The following PDZRN3 variants were observed in gnomAD, a reference collection of about 807,000 sequenced individuals.
PDZRN3 encodes the protein E3 ubiquitin-protein ligase PDZRN3.
In PDZRN3, 38 loss-of-function variants were observed where a neutral mutation model predicts 85.7. The observed-to-expected ratio is 0.44, with a 90% CI of 0.34 to 0.58. PDZRN3 has a LOEUF of 0.58. PDZRN3 is among the 20% of genes least tolerant of loss of function. The pLI, the probability that PDZRN3 is intolerant of heterozygous loss-of-function variation, is 0.01. For missense variants in PDZRN3, 1,629 were observed against 1,506.4 expected (o/e 1.08, Z -1.35); for synonymous variants, 759 against 638.0 (o/e 1.19, Z -2.86).
chr3:73,592,742 A>G (rs981156062), intron 3 of PDZRN3, among the ~76,000 whole-genome samples: 4 of 151,964 alleles, frequency 2.6e-5, no homozygotes, highest in Non-Finnish European at 5.9e-5. Context: ...GCAGCTACCC[A>G]CCCTGGAGTA....
intron 3 of PDZRN3, 62 bp from the exon 4 acceptor site, chr3:73,404,457 A>G: frequency 6.6e-7 from 1 of 1,522,500 alleles, no homozygotes; most frequent in Non-Finnish European, 8.9e-7. Flanking sequence ...AAGGACAAAT[A>G]CATGAATTGC....
At chr3:73,471,056 C>T (rs1703329196) in intron 3 of PDZRN3, among the ~76,000 whole-genome samples, 1 of 152,112 alleles carries the variant, frequency 6.6e-6, no homozygotes, top group South Asian at 2.1e-4. Flanking sequence ...CAGAATGTGA[C>T]CTTATTTGGA....
intron 3 of PDZRN3, among the ~76,000 whole-genome samples, chr3:73,427,054 G>GA (rs996528580): frequency 2.6e-5 from 4 of 151,036 alleles, no homozygotes; most frequent in Non-Finnish European, 4.4e-5. Context: ...AATGTATTTG[G>GA]AAAAAAAAAT....
chr3:73,617,341 A>T (rs916340286), intron 1 of PDZRN3, among the ~76,000 whole-genome samples: 1 of 152,168 alleles, frequency 6.6e-6, no homozygotes, highest in Non-Finnish European at 1.5e-5. Context: ...TCATTATGTT[A>T]TACCACTTCC....
chr3:73,513,050 T>C (rs1421189119), intron 3 of PDZRN3, among the ~76,000 whole-genome samples: 1 of 152,120 alleles, frequency 6.6e-6, no homozygotes, highest in East Asian at 1.9e-4. Context: ...AGTTCCCAGG[T>C]GCTGAGATAG....
chr3:73,584,694 T>C (rs1290057622), intron 3 of PDZRN3, among the ~76,000 whole-genome samples: 1 of 152,162 alleles, frequency 6.6e-6, no homozygotes, highest in East Asian at 1.9e-4. Flanking sequence ...CATGGCAGTC[T>C]CTCTAAATAC....
intron 3 of PDZRN3, among the ~76,000 whole-genome samples, chr3:73,530,355 T>C (rs1704624525): frequency 6.6e-6 from 1 of 152,230 alleles, no homozygotes; most frequent in Non-Finnish European, 1.5e-5. Flanking sequence ...ACCACGATTA[T>C]GTACTGGCTC....
chr3:73,576,022 G>A (rs947333025), intron 3 of PDZRN3, among the ~76,000 whole-genome samples: 3 of 152,116 alleles, frequency 2.0e-5, no homozygotes, highest in Non-Finnish European at 2.9e-5. Flanking sequence ...GAAAAATCAA[G>A]CGAAGTCATC....
At chr3:73,522,734 C>T (rs956014920) in intron 3 of PDZRN3, among the ~76,000 whole-genome samples, 7 of 152,036 alleles carry the variant, frequency 4.6e-5, no homozygotes, top group African/African-American at 1.7e-4. Flanking sequence ...CCATGCCTGG[C>T]CAAAACGAAG....
At chr3:73,397,678 T>C (rs1405567859) in intron 5 of PDZRN3, among the ~76,000 whole-genome samples, 2 of 152,182 alleles carry the variant, frequency 1.3e-5, no homozygotes, top group African/African-American at 4.8e-5. Context: ...CCTTAGCTGA[T>C]ATGTTCCTAG....
chr3:73,520,263 G>C (rs548818429), intron 3 of PDZRN3, among the ~76,000 whole-genome samples: 1 of 152,250 alleles, frequency 6.6e-6, no homozygotes, highest in Admixed American at 6.5e-5. Context: ...CAGCACTTTT[G>C]GGAGGCTGAG....
intron 1 of PDZRN3, among the ~76,000 whole-genome samples, chr3:73,623,230 GC>G (rs1404247261): frequency 6.6e-6 from 1 of 152,194 alleles, no homozygotes; most frequent in East Asian, 1.9e-4. Context: ...TCTCCCTGAA[GC>G]CTGACAAAAA....
chr3:73,611,452 A>G (rs1702683550), intron 1 of PDZRN3, among the ~76,000 whole-genome samples: 1 of 152,232 alleles, frequency 6.6e-6, no homozygotes, highest in African/African-American at 2.4e-5. Context: ...TTCTTGCCAG[A>G]TGCAATGCTG....
intron 3 of PDZRN3, among the ~76,000 whole-genome samples, chr3:73,516,962 G>A (rs1704267304): frequency 6.6e-6 from 1 of 152,178 alleles, no homozygotes; most frequent in Admixed American, 6.5e-5. Flanking sequence ...GCTGTGCTCG[G>A]TTATCACAGC....
intron 3 of PDZRN3, among the ~76,000 whole-genome samples, chr3:73,571,836 G>A (rs1326915806): frequency 6.6e-6 from 1 of 152,132 alleles, no homozygotes; most frequent in Admixed American, 6.5e-5. Flanking sequence ...GGTCACAAAT[G>A]TGTCCCGAGC....
intron 3 of PDZRN3, among the ~76,000 whole-genome samples, chr3:73,574,849 G>A (rs552731786): frequency 2.1e-4 from 32 of 152,210 alleles, no homozygotes; most frequent in Admixed American, 1.8e-3. Flanking sequence ...GCCCCTTTCC[G>A]TCTCTGGCAG....
intron 3 of PDZRN3, among the ~76,000 whole-genome samples, chr3:73,531,250 C>CAAAAAA (rs60520136): frequency 3.1e-5 from 2 of 63,942 alleles, no homozygotes; most frequent in African/African-American, 5.9e-5. Flanking sequence ...GACTTCGTCT[C>CAAAAAA]AAAAAAAAAA....
chr3:73,564,680 T>C (rs1701906530), intron 3 of PDZRN3, among the ~76,000 whole-genome samples: 1 of 152,148 alleles, frequency 6.6e-6, no homozygotes, highest in African/African-American at 2.4e-5. Context: ...ATAAATACTA[T>C]CCTTTCCCTC....
At chr3:73,517,450 T>C (rs1704275986) in intron 3 of PDZRN3, among the ~76,000 whole-genome samples, 2 of 152,184 alleles carry the variant, frequency 1.3e-5, no homozygotes, top group Admixed American at 1.3e-4. Context: ...ACCTAAAATT[T>C]ACTTATAGAA....
Sources: allele counts gnomAD v4.1 joint callset (sites outside exome capture counted in the v4.1 genomes callset), GRCh38; gene constraint gnomAD v4.1.1; transcripts MANE v1.5; gene names NCBI Gene and HGNC (gene_info 2026-07-23, HGNC 2026-07-21).